WFDC10B: variants seen among roughly 807,000 people sequenced by gnomAD.
WFDC10B encodes the protein protein WFDC10B.
Under a neutral mutation model 2.7 loss-of-function variants are expected in WFDC10B, and 1 was observed. That is an observed-to-expected ratio of 0.38 (90% confidence interval 0.13 to 1.79). The LOEUF is 1.79. WFDC10B is among the 40% of genes most tolerant of loss of function. The probability of loss-of-function intolerance (pLI) is 0.33; values close to 1 mark genes in which losing one functional copy is unlikely to be tolerated. For missense variants in WFDC10B, 71 were observed against 87.8 expected (o/e 0.81, Z 0.76); for synonymous variants, 26 against 32.2 (o/e 0.81, Z 0.65).
At position 45,686,007 on chromosome 20, in the gene WFDC10B, C is replaced by A; in HGVS notation, c.-15G>T. ...TGGGGTGCCATAACTCTGACCAGAG[C>A]GTGAGCCCTAAGTCTGGCCAGGCAG... On this transcript the variant is annotated 5_prime_UTR_variant, in exon 3 of 4. Coordinates refer to ENST00000330523, the MANE Select transcript of WFDC10B (RefSeq NM_172006.2). The A allele has an allele frequency of 6.2e-7, 1 of 1,613,102 alleles. No homozygotes were observed. The highest frequency in any genetic ancestry group is 8.5e-7 in the Non-Finnish European group (1 of 1,179,626).
intron 2 of WFDC10B, among the ~76,000 whole-genome samples, chr20:45,693,402 CTTTG>C (rs1555806096): frequency 2.0e-5 from 3 of 152,188 alleles, no homozygotes; most frequent in African/African-American, 4.8e-5. Context: ...TTACTGCTGT[CTTTG>C]TTTGTCTGTG....
At position 45,684,858 on chromosome 20, in the gene WFDC10B, C is replaced by T. The variant is rs1326069467; in HGVS notation, c.194G>A (p.Cys65Tyr). ...ETNKICCSAF[C>Y]GNICMSIL ...TAGGATGCTCATACAAATGTTCCCA[C>T]AGAAGGCTGAACAGCATATCTTATT... The change falls in exon 4 of 4, where the codon TGT (cysteine) becomes TAT (tyrosine). Residue 65 changes from cysteine (C) to tyrosine (Y), a missense_variant. Cys to Tyr is a radical substitution (Grantham distance 194, BLOSUM62 -2). Coordinates refer to ENST00000330523, the MANE Select transcript of WFDC10B (RefSeq NM_172006.2). 9 of 1,613,854 alleles carry T rather than the reference C, an allele frequency of 5.6e-6. No homozygotes were observed. The highest frequency in any genetic ancestry group is 3.4e-6 in the Non-Finnish European group (4 of 1,179,928).
intron 2 of WFDC10B, among the ~76,000 whole-genome samples, chr20:45,692,481 C>T (rs987505147): frequency 9.9e-5 from 15 of 152,178 alleles, no homozygotes; most frequent in Admixed American, 2.6e-4. Flanking sequence ...ACCAATCAGA[C>T]GTAGATTTGG....
intron 2 of WFDC10B, among the ~76,000 whole-genome samples, chr20:45,689,016 T>C (rs1162019460): frequency 3.3e-5 from 5 of 150,686 alleles, no homozygotes; most frequent in African/African-American, 4.9e-5. Flanking sequence ...TTAATTTTTG[T>C]ATAAGGTGTA....
Position 45,684,773 on chromosome 20 carries a change from C to T in WFDC10B, c.*57G>A. ...TGTCCTTGTGCTTCGGATGTGGGCA[C>T]AGTCTCGGATGGAAGGGTTCAGGGA... On this transcript the variant is annotated 3_prime_UTR_variant, in exon 4 of 4. Coordinates refer to ENST00000330523, the MANE Select transcript of WFDC10B (RefSeq NM_172006.2). 1.3e-6 allele frequency: 2 copies of T among 1,589,096 alleles called. No individual in the cohort carries two copies. Among genetic ancestry groups the T allele is most frequent in the Non-Finnish European group, 1.7e-6 (2 of 1,165,778 alleles).
chr20:45,688,618 T>C (rs1466275808), intron 2 of WFDC10B, among the ~76,000 whole-genome samples: 3 of 152,132 alleles, frequency 2.0e-5, no homozygotes, highest in African/African-American at 7.2e-5. Context: ...TTTCATGTGT[T>C]TTTTGGCTGC....
intron 2 of WFDC10B, among the ~76,000 whole-genome samples, chr20:45,696,359 A>G (rs1983980476): frequency 6.6e-6 from 1 of 151,992 alleles, no homozygotes; most frequent in Non-Finnish European, 1.5e-5. Flanking sequence ...AAAGAGAAGA[A>G]CAAATACACC....
At chr20:45,686,456 T>C (rs1468527758) in intron 2 of WFDC10B, among the ~76,000 whole-genome samples, 2 of 152,172 alleles carry the variant, frequency 1.3e-5, no homozygotes, top group African/African-American at 4.8e-5. Flanking sequence ...CTATCTTTTG[T>C]TACCTACCGT....
At chr20:45,694,684 G>GGT (rs1983927407) in intron 2 of WFDC10B, among the ~76,000 whole-genome samples, 1 of 152,090 alleles carries the variant, frequency 6.6e-6, no homozygotes, top group Admixed American at 6.6e-5. Flanking sequence ...CTGAGTGATG[G>GGT]GTGTGTCTTT....
intron 2 of WFDC10B, among the ~76,000 whole-genome samples, chr20:45,703,822 GA>G (rs1984276098): frequency 6.6e-6 from 1 of 152,182 alleles, no homozygotes; most frequent in Non-Finnish European, 1.5e-5. Context: ...CACCAAGGAA[GA>G]AAAAAGCTGA....
In WFDC10B at chr20:45,684,677, TGACAGG is replaced by T; in HGVS notation, c.*147_*152del. ...CCATGGGCATTTGTTCTGGTTTATT[TGACAGG>T]GACAGGGAGTTCAGACACTGGGGAG... On this transcript the variant is annotated 3_prime_UTR_variant, in exon 4 of 4. Transcript: ENST00000330523. The T allele has an allele frequency of 1.9e-6, 2 of 1,033,208 alleles. No individual in the cohort carries two copies. The highest frequency in any genetic ancestry group is 3.2e-5 in the South Asian group (2 of 61,798). The allele number at this position is 1,033,208 out of a possible 1,614,324, so 64.0% of individuals were successfully genotyped here. A position where few individuals can be genotyped will look rare whatever the true frequency, so the allele number is the denominator to read the frequency against.
chr20:45,702,200 A>C (rs764997887), intron 2 of WFDC10B: 1 of 1,612,488 alleles, frequency 6.2e-7, no homozygotes, highest in Non-Finnish European at 8.5e-7. Flanking sequence ...AGTCCCAAGC[A>C]GCGTGTTCTG....
chr20:45,685,532 C>G (rs1011088819), intron 3 of WFDC10B, among the ~76,000 whole-genome samples: 1 of 152,204 alleles, frequency 6.6e-6, no homozygotes, highest in Non-Finnish European at 1.5e-5. Context: ...TACACCTACA[C>G]CTACCCTCAT....
chr20:45,701,209 T>G (rs1324122853), intron 2 of WFDC10B, among the ~76,000 whole-genome samples: 4 of 152,128 alleles, frequency 2.6e-5, no homozygotes, highest in African/African-American at 9.7e-5. Context: ...GGGTTGCAGT[T>G]TTTGTAGGTA....
chr20:45,697,558 C>T (rs938819712), intron 2 of WFDC10B, among the ~76,000 whole-genome samples: 3 of 151,484 alleles, frequency 2.0e-5, no homozygotes, highest in African/African-American at 7.3e-5. Flanking sequence ...TGCCATGTTG[C>T]CCAGGCTGAT....
intron 3 of WFDC10B, among the ~76,000 whole-genome samples, chr20:45,685,574 G>A (rs1776145655): frequency 1.3e-5 from 2 of 152,122 alleles, no homozygotes; most frequent in African/African-American, 4.8e-5. Context: ...CCTCACAAAT[G>A]TGCATAAATC....
At chr20:45,690,607 G>C (rs1297511336) in intron 2 of WFDC10B, among the ~76,000 whole-genome samples, 1 of 152,026 alleles carries the variant, frequency 6.6e-6, no homozygotes, top group Admixed American at 6.6e-5. Flanking sequence ...ATTTCTTCTA[G>C]ATTTTCTAGT....
intron 2 of WFDC10B, among the ~76,000 whole-genome samples, chr20:45,697,502 C>T (rs1216981555): frequency 6.7e-6 from 1 of 149,316 alleles, no homozygotes; most frequent in African/African-American, 2.5e-5. Context: ...TAGGCGCATG[C>T]CACTACGCCC....
chr20:45,687,704 G>A (rs1367265549), intron 2 of WFDC10B, among the ~76,000 whole-genome samples: 2 of 151,924 alleles, frequency 1.3e-5, no homozygotes, highest in Non-Finnish European at 2.9e-5. Context: ...AACCTCCATT[G>A]TAACTGGCGT....
Sources: gnomAD v4.1 joint callset for allele counts (sites outside exome capture counted in the v4.1 genomes callset) on GRCh38, gnomAD v4.1.1 for gene constraint, MANE v1.5 for transcripts, NCBI Gene and HGNC (gene_info 2026-07-23, HGNC 2026-07-21) for gene names.